Variants in GRIA3 observed in about 807,000 individuals in gnomAD.
GRIA3 encodes the protein glutamate ionotropic receptor AMPA type subunit 3, also known as glutamate receptor 3.
GRIA3 carries 3 observed loss-of-function variants against 63.0 expected under a neutral mutation model. The observed-to-expected ratio is 0.05, with a 90% CI of 0.02 to 0.12. The LOEUF is 0.12. Among genes scored for constraint, GRIA3 ranks in the 10% least tolerant of loss-of-function variants. GRIA3 has a pLI of 1.00. For missense variants in GRIA3, 347 were observed against 700.9 expected (o/e 0.50, Z 5.70); for synonymous variants, 274 against 257.9 (o/e 1.06, Z -0.60).
At chrX:123,259,372 C>T (rs996949700) in intron 3 of GRIA3, among the ~76,000 whole-genome samples, 2 of 111,269 alleles carry the variant, frequency 1.8e-5, no homozygotes. Flanking sequence ...CCCAGTTCTA[C>T]TTTCCCAAAT....
intron 12 of GRIA3, among the ~76,000 whole-genome samples, chrX:123,452,086 C>T (rs2045735574): frequency 9.0e-6 from 1 of 111,485 alleles, no homozygotes; most frequent in Admixed American, 9.5e-5. Flanking sequence ...AAATGGTAGC[C>T]CTCTCATTGT....
chrX:123,320,949 C>G (rs746139218), intron 3 of GRIA3, among the ~76,000 whole-genome samples: 65 of 112,071 alleles, frequency 5.8e-4, no homozygotes, highest in African/African-American at 2.0e-3. Context: ...AGAAGCTCCA[C>G]TTTTACCTGT....
At chrX:123,359,405 C>G (rs1252336531) in intron 5 of GRIA3, among the ~76,000 whole-genome samples, 1 of 111,364 alleles carries the variant, frequency 9.0e-6, no homozygotes, top group Non-Finnish European at 1.9e-5. Flanking sequence ...ACACCACTGT[C>G]GCTTCTAGAT....
intron 12 of GRIA3, among the ~76,000 whole-genome samples, chrX:123,452,051 T>C (rs73541991): frequency 0.041 from 4,559 of 112,023 alleles, 222 homozygotes; most frequent in African/African-American, 0.14. Flanking sequence ...CGAAGCACCA[T>C]TCCTGTTGCA....
At chrX:123,351,322 T>C (rs2045092750) in intron 4 of GRIA3, among the ~76,000 whole-genome samples, 2 of 111,430 alleles carry the variant, frequency 1.8e-5, no homozygotes, top group Non-Finnish European at 3.8e-5. Context: ...TACCAAAAAT[T>C]CAAAAAAGGG....
At chrX:123,259,697 A>T (rs1353291047) in intron 3 of GRIA3, among the ~76,000 whole-genome samples, 1 of 111,719 alleles carries the variant, frequency 9.0e-6, no homozygotes, top group Non-Finnish European at 1.9e-5. Context: ...TTTACAACTG[A>T]GGAAACCAAA....
intron 12 of GRIA3, among the ~76,000 whole-genome samples, chrX:123,433,143 A>G (rs965984689): frequency 7.1e-5 from 8 of 112,156 alleles, no homozygotes; most frequent in African/African-American, 2.6e-4. Context: ...CAGTAATTCT[A>G]GAATCCCAGA....
intron 2 of GRIA3, among the ~76,000 whole-genome samples, chrX:123,250,092 AAT>A (rs373119943): frequency 1.8e-5 from 2 of 111,555 alleles, no homozygotes; most frequent in African/African-American, 6.5e-5. Flanking sequence ...CCAAGGTAAT[AAT>A]AAATACAAAT....
chrX:123,468,093 A>G (rs186108818), intron 13 of GRIA3, among the ~76,000 whole-genome samples: 36 of 111,880 alleles, frequency 3.2e-4, no homozygotes, highest in Non-Finnish European at 6.2e-4. Flanking sequence ...AAATAAGTCA[A>G]CCCTTTTCTC....
chrX:123,324,596 C>T (rs771408325), intron 3 of GRIA3, among the ~76,000 whole-genome samples: 1 of 111,896 alleles, frequency 8.9e-6, no homozygotes, highest in East Asian at 2.8e-4. Flanking sequence ...AATAAATATG[C>T]GTGGTTGGTT....
chrX:123,295,296 C>T (rs375717324), intron 3 of GRIA3, among the ~76,000 whole-genome samples: 1 of 111,565 alleles, frequency 9.0e-6, no homozygotes, highest in Admixed American at 9.5e-5. Context: ...ATAGAAGAGA[C>T]GTGAATTTTT....
chrX:123,381,378 C>T (rs894935198), intron 5 of GRIA3, among the ~76,000 whole-genome samples: 1 of 111,847 alleles, frequency 8.9e-6, no homozygotes, highest in Non-Finnish European at 1.9e-5. Context: ...TTTATTTACT[C>T]CATTTTTATT....
chrX:123,412,639 T>G (rs1437788019), intron 10 of GRIA3, among the ~76,000 whole-genome samples: 3 of 111,685 alleles, frequency 2.7e-5, no homozygotes, highest in Non-Finnish European at 5.6e-5. Context: ...CTAAGTCTCC[T>G]ACCAATAGAA....
chrX:123,439,647 T>C (rs1293731873), intron 12 of GRIA3, among the ~76,000 whole-genome samples: 3 of 110,777 alleles, frequency 2.7e-5, no homozygotes, highest in Admixed American at 9.6e-5. Context: ...CTTGGCAATA[T>C]GAATTCACCT....
At chrX:123,451,104 G>A (rs768356704) in intron 12 of GRIA3, among the ~76,000 whole-genome samples, 1 of 111,522 alleles carries the variant, frequency 9.0e-6, no homozygotes, top group African/African-American at 3.3e-5. Context: ...TCACTTAGCC[G>A]ACTTTGAGCA....
At chrX:123,217,551 C>T (rs1009128214) in intron 2 of GRIA3, among the ~76,000 whole-genome samples, 1 of 112,033 alleles carries the variant, frequency 8.9e-6, no homozygotes, top group African/African-American at 3.2e-5. Flanking sequence ...TTTCTCAGAG[C>T]TTCCCCAGTA....
intron 5 of GRIA3, among the ~76,000 whole-genome samples, chrX:123,379,098 T>C (rs11260429): frequency 0.11 from 12,718 of 110,937 alleles, 601 homozygotes; most frequent in Non-Finnish European, 0.15. Context: ...ATGAACAAAT[T>C]AAATGTCTTA....
intron 3 of GRIA3, among the ~76,000 whole-genome samples, chrX:123,294,093 A>G (rs2147309942): frequency 9.0e-6 from 1 of 110,741 alleles, no homozygotes; most frequent in Non-Finnish European, 1.9e-5. Flanking sequence ...TCATGGACAA[A>G]GTACTGGGCT....
At position 123,335,458 on chromosome X, in the gene GRIA3, A is replaced by G. The variant is rs2044968501; in HGVS notation, c.696+9245A>G. Among the ~76,000 whole-genome samples the G allele has an allele frequency of 3.6e-5, 4 of 111,788 alleles. No homozygotes were observed. In the South Asian group the frequency reaches 1.5e-3, roughly 42 times the overall value. On this transcript the variant is annotated intron_variant, in intron 4 of 15. Transcript: ENST00000620443. ...AGATTTGTTTGTTTATCATAAGCCT[A>G]TCATAAGTTCCTCATTATATCTATA... is the stretch of plus-strand genomic sequence containing the variant.
Sources: allele counts gnomAD v4.1 joint callset (sites outside exome capture counted in the v4.1 genomes callset), GRCh38; gene constraint gnomAD v4.1.1; transcripts MANE v1.5; gene names NCBI Gene and HGNC (gene_info 2026-07-23, HGNC 2026-07-21).